ERBB4: variants seen among roughly 807,000 people sequenced by gnomAD.
ERBB4 encodes the protein erb-b2 receptor tyrosine kinase 4.
Under a neutral mutation model 158.0 loss-of-function variants are expected in ERBB4, and 42 were observed. That is an observed-to-expected ratio of 0.27 (90% CI 0.21 to 0.34). The LOEUF is 0.34. Ranked by LOEUF, ERBB4 falls within the 10% of genes least tolerant of loss-of-function variation. The probability of loss-of-function intolerance (pLI) is 1.00; values close to 1 mark genes in which losing one functional copy is unlikely to be tolerated. For synonymous variants in ERBB4, 583 were observed against 558.7 expected, an observed-to-expected ratio of 1.04 and a Z score of -0.61; for missense variants, 1,333 against 1,624.1, an observed-to-expected ratio of 0.82 and a Z score of 3.08.
At chr2:212,474,953 C>A (rs1226852162) in intron 1 of ERBB4, among the ~76,000 whole-genome samples, 1 of 151,272 alleles carries the variant, frequency 6.6e-6, no homozygotes, top group Non-Finnish European at 1.5e-5. Context: ...CCATGCCCAG[C>A]TATTGGTCTC....
chr2:211,549,351 G>A, intron 20 of ERBB4, among the ~76,000 whole-genome samples: 1 of 152,012 alleles, frequency 6.6e-6, no homozygotes, highest in African/African-American at 2.4e-5. Flanking sequence ...AGACTGAAAG[G>A]GAAAGGTAGA....
At chr2:212,367,061 A>G (rs758769396) in intron 1 of ERBB4, among the ~76,000 whole-genome samples, 18 of 151,938 alleles carry the variant, frequency 1.2e-4, no homozygotes, top group Non-Finnish European at 1.8e-4. Flanking sequence ...GTCCTTATAA[A>G]AAGTAGAGAC....
At chr2:211,906,185 G>A (rs1481829710) in intron 3 of ERBB4, among the ~76,000 whole-genome samples, 2 of 152,012 alleles carry the variant, frequency 1.3e-5, no homozygotes, top group African/African-American at 4.8e-5. Context: ...TAATAATCCA[G>A]GTTAGAAATA....
intron 1 of ERBB4, among the ~76,000 whole-genome samples, chr2:212,437,507 A>G (rs1194824874): frequency 6.9e-6 from 1 of 145,808 alleles, no homozygotes; most frequent in African/African-American, 2.6e-5. Flanking sequence ...AAAAAAAAAA[A>G]GGAAGATTGG....
intron 3 of ERBB4, among the ~76,000 whole-genome samples, chr2:211,865,877 TGAGA>T (rs1341083411): frequency 1.3e-5 from 2 of 152,134 alleles, no homozygotes; most frequent in Non-Finnish European, 2.9e-5. Context: ...AAGAAGAAAA[TGAGA>T]GACTCTTAAT....
chr2:212,355,413 A>G (rs2089426361), intron 1 of ERBB4, among the ~76,000 whole-genome samples: 1 of 152,028 alleles, frequency 6.6e-6, no homozygotes, highest in Non-Finnish European at 1.5e-5. Context: ...CCCTTTGGAA[A>G]TAAAAGGGTC....
intron 1 of ERBB4, among the ~76,000 whole-genome samples, chr2:212,381,013 GT>G (rs1355570090): frequency 6.6e-6 from 1 of 151,140 alleles, no homozygotes; most frequent in Non-Finnish European, 1.5e-5. Context: ...TAAAATGATT[GT>G]TTTTCCATAA....
intron 25 of ERBB4, among the ~76,000 whole-genome samples, chr2:211,401,277 ATCTTTATTATTTTTGCTT>A (rs1314567582): frequency 3.3e-5 from 5 of 152,084 alleles, no homozygotes; most frequent in African/African-American, 1.2e-4. Context: ...CTGAAATAAA[ATCTTTATTATTTTTGCTT>A]TCTTTAGATG....
chr2:212,509,195 T>A (rs1250211373), intron 1 of ERBB4, among the ~76,000 whole-genome samples: 1 of 152,076 alleles, frequency 6.6e-6, no homozygotes, highest in Non-Finnish European at 1.5e-5. Flanking sequence ...CTACTATTCA[T>A]GGATAAGGCC....
chr2:211,885,631 T>G (rs1051983421), intron 3 of ERBB4, among the ~76,000 whole-genome samples: 2 of 152,038 alleles, frequency 1.3e-5, no homozygotes. Context: ...GCTAATTTTC[T>G]GTACTTTTAG....
At chr2:212,258,342 A>C (rs952053658) in intron 1 of ERBB4, among the ~76,000 whole-genome samples, 3 of 151,800 alleles carry the variant, frequency 2.0e-5, no homozygotes, top group African/African-American at 7.2e-5. Context: ...GATCTTTTAA[A>C]AATTCAAACT....
chr2:211,938,660 T>C (rs1664576652), intron 3 of ERBB4, among the ~76,000 whole-genome samples: 1 of 152,086 alleles, frequency 6.6e-6, no homozygotes, highest in Non-Finnish European at 1.5e-5. Flanking sequence ...TTGAGAAGAA[T>C]AGACATGCTT....
At chr2:211,668,610 A>G (rs1314381964) in intron 14 of ERBB4, among the ~76,000 whole-genome samples, 1 of 151,896 alleles carries the variant, frequency 6.6e-6, no homozygotes, top group African/African-American at 2.4e-5. Flanking sequence ...TTGAGTCGTC[A>G]TTGATGTTTT....
chr2:211,961,205 T>C (rs2081171903), intron 2 of ERBB4, among the ~76,000 whole-genome samples: 1 of 148,106 alleles, frequency 6.8e-6, no homozygotes. Flanking sequence ...CAGTTCTGCA[T>C]TGTTCCTGCA....
rs34036811 is a variant in ERBB4 at position 211,734,620 on chromosome 2, TAAAAAAA to T, written c.623-9433_623-9427del. ...ATAACTAGGGAAATAGCTGTAGCAT[TAAAAAAA>T]AAAAAAAAAAAAGCTGGGCGCGGTG... is the stretch of plus-strand genomic sequence containing the variant. On this transcript the variant is annotated intron_variant, in intron 5 of 27. Coordinates refer to ENST00000342788, the MANE Select transcript of ERBB4 (RefSeq NM_005235.3). Among the ~76,000 whole-genome samples the T allele has an allele frequency of 2.9e-5, 3 of 102,342 alleles. No homozygotes were observed. The Admixed American group carries it at 3.5e-4, about 12-fold the overall frequency. 67.1% of individuals were successfully genotyped at this position (102,342 alleles called of 152,430 possible).
chr2:211,962,848 A>G (rs2081215329), intron 2 of ERBB4, among the ~76,000 whole-genome samples: 1 of 152,178 alleles, frequency 6.6e-6, no homozygotes, highest in Admixed American at 6.6e-5. Flanking sequence ...GCGCTTTAAA[A>G]AAACCAGTAT....
chr2:211,928,256 T>C (rs2080073034), intron 3 of ERBB4, among the ~76,000 whole-genome samples: 1 of 152,180 alleles, frequency 6.6e-6, no homozygotes, highest in Admixed American at 6.6e-5. Flanking sequence ...TAGGATTATA[T>C]TTTTGAATTT....
At chr2:212,428,574 T>A (rs2105930911) in intron 1 of ERBB4, among the ~76,000 whole-genome samples, 1 of 152,220 alleles carries the variant, frequency 6.6e-6, no homozygotes, top group South Asian at 2.1e-4. Context: ...GAAAAATTAA[T>A]AAGAAAGTCT....
rs367718333 is a variant in ERBB4, at chr2:211,768,042, G to A, written c.557-17338C>T. On this transcript the variant is annotated intron_variant, in intron 4 of 27. Coordinates refer to ENST00000342788, the MANE Select transcript of ERBB4 (RefSeq NM_005235.3). ...GCAAGTTAGTTACTTCCTAGATACA[G>A]TGGGGTTCAGACATTGGGTAAATAC... Among the ~76,000 whole-genome samples, 8 of 152,204 alleles carry A rather than the reference G, an allele frequency of 5.3e-5. No individual in the cohort carries two copies. The East Asian group carries it at 1.5e-3, about 29-fold the overall frequency.
Sources: allele counts gnomAD v4.1 joint callset (sites outside exome capture counted in the v4.1 genomes callset), GRCh38; gene constraint gnomAD v4.1.1; transcripts MANE v1.5; gene names NCBI Gene and HGNC (gene_info 2026-07-23, HGNC 2026-07-21).